The following ANKRD11 variants were observed in gnomAD, a reference collection of about 807,000 sequenced individuals.
ANKRD11 encodes the protein ankyrin repeat domain-containing protein 11.
ANKRD11 carries 17 observed loss-of-function variants against 195.7 expected under a neutral mutation model. The observed-to-expected ratio is 0.09, with a 90% CI of 0.06 to 0.13. The LOEUF (loss-of-function observed/expected upper bound fraction) is 0.13, where lower values mean the gene tolerates loss of function less well. Ranked by LOEUF, ANKRD11 falls within the 10% of genes least tolerant of loss-of-function variation. The probability of loss-of-function intolerance (pLI) is 1.00; values close to 1 mark genes in which losing one functional copy is unlikely to be tolerated. For synonymous variants in ANKRD11, 1,953 were observed against 1,528.1 expected (o/e 1.28, Z -6.49); for missense variants, 3,735 against 3,566.1 (o/e 1.05, Z -1.21).
intron 2 of ANKRD11, among the ~76,000 whole-genome samples, chr16:89,318,324 G>C (rs2037087767): frequency 6.6e-6 from 1 of 152,160 alleles, no homozygotes; most frequent in South Asian, 2.1e-4. Context: ...GAGAGGAATG[G>C]GGGACACACC....
chr16:89,309,986 C>G (rs2036521431), intron 3 of ANKRD11, among the ~76,000 whole-genome samples: 2 of 152,208 alleles, frequency 1.3e-5, no homozygotes, highest in Admixed American at 1.3e-4. Flanking sequence ...TGCAGATTCC[C>G]TATCACATCA....
intron 2 of ANKRD11, among the ~76,000 whole-genome samples, chr16:89,369,046 C>T (rs547115661): frequency 1.3e-5 from 2 of 152,252 alleles, no homozygotes; most frequent in African/African-American, 2.4e-5. Flanking sequence ...CCCCCACTGG[C>T]ACCCATTCCT....
Position 89,292,690 on chromosome 16 carries a change from G to C in ANKRD11, c.227-1507C>G, listed in dbSNP as rs112835697. 8.6e-3 allele frequency among the ~76,000 whole-genome samples: 1,304 copies of C among 152,348 alleles called. 14 individuals carry two copies. The highest frequency in any genetic ancestry group is 0.029 in the African/African-American group (1,212 of 41,578). ...TAAACAGTCCTCAACGCACAGATCTGAGAAAGCACTTGAGCTTTGGCCCCA... is the reference window on the plus strand; with the variant it reads ...TAAACAGTCCTCAACGCACAGATCTCAGAAAGCACTTGAGCTTTGGCCCCA... On this transcript the variant is annotated intron_variant, in intron 4 of 12. Coordinates refer to ENST00000301030, the MANE Select transcript of ANKRD11 (RefSeq NM_013275.6).
At chr16:89,463,682 TTAA>T (rs2056781769) in intron 1 of ANKRD11, among the ~76,000 whole-genome samples, 15 of 148,586 alleles carry the variant, frequency 1.0e-4, no homozygotes, top group Non-Finnish European at 1.6e-4. Flanking sequence ...AATAAATAAA[TTAA>T]AAAAAAAAAA....
intron 1 of ANKRD11, among the ~76,000 whole-genome samples, chr16:89,465,563 T>C (rs1225204055): frequency 6.6e-6 from 1 of 152,154 alleles, no homozygotes; most frequent in Non-Finnish European, 1.5e-5. Flanking sequence ...GTGGGAACAC[T>C]TGCTCCTCCA....
chr16:89,417,503 G>A (rs554918011), intron 2 of ANKRD11, among the ~76,000 whole-genome samples: 14 of 152,230 alleles, frequency 9.2e-5, no homozygotes, highest in Admixed American at 7.2e-4. Flanking sequence ...AAGTCTTTTT[G>A]GAGACTGCTG....
At chr16:89,305,032 G>T in intron 4 of ANKRD11, 174 bp downstream of exon 4, 1 of 969,658 alleles carries the variant, frequency 1.0e-6, no homozygotes. Flanking sequence ...GTGCAAAGGA[G>T]GTGGCATGTG....
chr16:89,437,047 T>C (rs1429321027), intron 1 of ANKRD11, among the ~76,000 whole-genome samples: 1 of 152,118 alleles, frequency 6.6e-6, no homozygotes, highest in Non-Finnish European at 1.5e-5. Flanking sequence ...AAAAGTGACA[T>C]ACGAGGAAGG....
At chr16:89,308,962 A>C (rs2036458553) in intron 3 of ANKRD11, among the ~76,000 whole-genome samples, 1 of 152,218 alleles carries the variant, frequency 6.6e-6, no homozygotes, top group Non-Finnish European at 1.5e-5. Flanking sequence ...CAAGGTGGGA[A>C]CATCTGTACC....
At chr16:89,425,903 A>C (rs1044044491) in intron 1 of ANKRD11, among the ~76,000 whole-genome samples, 2 of 152,204 alleles carry the variant, frequency 1.3e-5, no homozygotes, top group African/African-American at 4.8e-5. Context: ...CAGGAAACAA[A>C]ATGAATGTTC....
At chr16:89,452,757 G>A (rs2044138246) in intron 1 of ANKRD11, among the ~76,000 whole-genome samples, 1 of 126,808 alleles carries the variant, frequency 7.9e-6, no homozygotes, top group Non-Finnish European at 1.6e-5. Flanking sequence ...TCCAGCCTAG[G>A]CAACAGAGAG....
intron 1 of ANKRD11, among the ~76,000 whole-genome samples, chr16:89,481,673 A>T (rs2057449978): frequency 6.6e-6 from 1 of 152,168 alleles, no homozygotes; most frequent in East Asian, 1.9e-4. Context: ...AGCAAATGAA[A>T]TTCAGGTCTA....
chr16:89,460,914 G>A (rs2056630802), intron 1 of ANKRD11, among the ~76,000 whole-genome samples: 1 of 148,628 alleles, frequency 6.7e-6, no homozygotes, highest in Non-Finnish European at 1.5e-5. Context: ...CCCCTTACAG[G>A]AGAGGTGCCT....
intron 2 of ANKRD11, among the ~76,000 whole-genome samples, chr16:89,399,437 C>G (rs149652035): frequency 5.4e-4 from 82 of 152,308 alleles, no homozygotes; most frequent in African/African-American, 1.9e-3. Context: ...GGTTCCGACT[C>G]TGACATCCAG....
rs1041612791 is a variant in ANKRD11, at chr16:89,285,436, T to C, written c.1106A>G (p.Lys369Arg). 9 of 1,614,214 alleles carry C rather than the reference T, an allele frequency of 5.6e-6. No individual in the cohort carries two copies. Among genetic ancestry groups the C allele is most frequent in the Non-Finnish European group, 7.6e-6 (9 of 1,180,036 alleles). The change falls in exon 9 of 13, where the codon AAG (lysine) becomes AGG (arginine). Residue 369 changes from lysine to arginine, a missense_variant. Coordinates refer to ENST00000301030, the MANE Select transcript of ANKRD11 (RefSeq NM_013275.6). This position sits in a 1 kb window ranked among gnomAD's most constrained non-coding sequence, Gnocchi z 5.6. The stretch of plus-strand genomic sequence containing the variant: ...GGATTTCGTTTCTTTTCTGTAGTCC[T>C]TTTTCAATAGGTGCTTGTCGTCCAC... ...PPVDDKHLLK[K>R]DYRKETKSNS... is the part of the protein sequence containing the mutation.
At chr16:89,405,845 C>T (rs953406154) in intron 2 of ANKRD11, among the ~76,000 whole-genome samples, 4 of 152,120 alleles carry the variant, frequency 2.6e-5, no homozygotes, top group Non-Finnish European at 2.9e-5. Context: ...AACTTAGCTC[C>T]AGCAAGAATA....
At chr16:89,319,102 T>C (rs2353032) in intron 2 of ANKRD11, among the ~76,000 whole-genome samples, 80,811 of 152,098 alleles carry the variant, frequency 0.53, 22,014 homozygotes, top group Middle Eastern at 0.74. Flanking sequence ...ATCCAGACTG[T>C]CTGCTCTCAG....
chr16:89,278,149 G>A (rs1597425399), intron 9 of ANKRD11: 1 of 279,718 alleles, frequency 3.6e-6, no homozygotes, highest in South Asian at 3.4e-5. Flanking sequence ...CTCCAGGGAA[G>A]AGCCAGAACG....
At chr16:89,469,166 C>T (rs1047711940) in intron 1 of ANKRD11, among the ~76,000 whole-genome samples, 8 of 150,342 alleles carry the variant, frequency 5.3e-5, no homozygotes, top group South Asian at 2.1e-4. Context: ...GGCCACAGGG[C>T]GAGGCTCTGT....
Sources: allele counts gnomAD v4.1 joint callset (sites outside exome capture counted in the v4.1 genomes callset), GRCh38; gene constraint gnomAD v4.1.1; non-coding constraint Gnocchi (gnomAD v3.1); transcripts MANE v1.5; gene names NCBI Gene and HGNC (gene_info 2026-07-23, HGNC 2026-07-21).